COL11A2: variants seen among roughly 807,000 people sequenced by gnomAD.
COL11A2 encodes the protein collagen alpha-2(XI) chain.
COL11A2 carries 116 observed loss-of-function variants against 273.4 expected under a neutral mutation model. That is an observed-to-expected ratio of 0.42 (90% CI 0.36 to 0.49). The LOEUF (loss-of-function observed/expected upper bound fraction) is 0.49, where lower values mean the gene tolerates loss of function less well. COL11A2 is among the 20% of genes least tolerant of loss of function. The pLI is 0.00. For synonymous variants in COL11A2, 782 were observed against 864.2 expected (o/e 0.90, Z 1.67); for missense variants, 1,866 against 2,309.0 (o/e 0.81, Z 3.93).
At position 33,177,304 on chromosome 6, in the gene COL11A2, A is replaced by C; in HGVS notation, c.1972-79T>G. On this transcript the variant is annotated intron_variant, in intron 23 of 65. Transcript: ENST00000341947. This position sits in a 1 kb window ranked among gnomAD's most constrained non-coding sequence, Gnocchi z 5.9. ...GCCTCCCGGATTCAAAGCATGAGCA[A>C]CAAGGGCCTGAAACCCTTAATTTCC... 6.2e-7 allele frequency: 1 copy of C among 1,605,300 alleles called. No individual in the cohort carries two copies. Among genetic ancestry groups the C allele is most frequent in the Non-Finnish European group, 8.5e-7 (1 of 1,173,530 alleles).
Position 33,175,979 on chromosome 6 carries a change from A to G in COL11A2, c.2268+37T>C, listed in dbSNP as rs2071025. The G allele has an allele frequency of 0.26, 424,051 of 1,610,732 alleles. 62,083 individuals are homozygous for G. The highest frequency in any genetic ancestry group is 0.68 in the East Asian group (30,374 of 44,830). ...CGTCTCCAGAGTGGAGGCTCAGTAG[A>G]ACACGGAATTGGGGCCAGTGTGGGG... On this transcript the variant is annotated intron_variant, in intron 29 of 65. Transcript: ENST00000341947.
Position 33,166,118 on chromosome 6 carries a change from C to T in COL11A2, c.4428+53G>A. ...GAGTCTATTTGTCCTGGAGAGACAT[C>T]ATCAAGTCCAGAGGGGGTGGAGCAA... On this transcript the variant is annotated intron_variant, in intron 61 of 65. Transcript: ENST00000341947. The surrounding 1 kb of genome is among the most constrained non-coding windows in gnomAD (Gnocchi z 4.8). The T allele has an allele frequency of 6.2e-7, 1 of 1,605,818 alleles. No individual in the cohort carries two copies. Among genetic ancestry groups the T allele is most frequent in the Non-Finnish European group, 8.5e-7 (1 of 1,176,180 alleles).
At position 33,177,592 on chromosome 6, in the gene COL11A2, C is replaced by T. The variant is rs2076311; in HGVS notation, c.1917+70G>A. 2.5e-6 allele frequency: 4 copies of T among 1,596,604 alleles called. No individual in the cohort carries two copies. Among genetic ancestry groups the T allele is most frequent in the Non-Finnish European group, 3.4e-6 (4 of 1,166,328 alleles). On this transcript the variant is annotated intron_variant, in intron 22 of 65. Coordinates refer to ENST00000341947, the MANE Select transcript of COL11A2 (RefSeq NM_080680.3). The surrounding 1 kb of genome is among the most constrained non-coding windows in gnomAD (Gnocchi z 5.9). The stretch of plus-strand genomic sequence containing the variant: ...AGGAAGCAGGCAGGGGTCAAAATGG[C>T]GGCCAACAGGATGCTGGCAGGGACC...
chr6:33,175,864 G>A (rs1770823408), intron 29 of COL11A2, 152 bp downstream of exon 29: 2 of 1,100,060 alleles, frequency 1.8e-6, no homozygotes, highest in African/African-American at 3.1e-5. Context: ...CAGACCATGG[G>A]GCTATCATCC....
In COL11A2 at chr6:33,178,044, G is replaced by C. The variant is rs956602026; in HGVS notation, c.1872+88C>G. The stretch of plus-strand genomic sequence containing the variant: ...AGGGAATGGGAAGCATGCCGAGAGA[G>C]GAGAGGGAGCAGGAAGGCAGCTAGA... On this transcript the variant is annotated intron_variant, in intron 21 of 65. Coordinates refer to ENST00000341947, the MANE Select transcript of COL11A2 (RefSeq NM_080680.3). The surrounding 1 kb of genome is among the most constrained non-coding windows in gnomAD (Gnocchi z 4.6). 40 of 1,336,992 alleles carry C rather than the reference G, an allele frequency of 3.0e-5. No individual in the cohort carries two copies. The highest frequency in any genetic ancestry group is 4.2e-5 in the Non-Finnish European group (40 of 950,102). 82.8% of individuals were successfully genotyped at this position (1,336,992 alleles called of 1,614,324 possible).
In COL11A2 at chr6:33,190,633, C is replaced by T. The variant is rs1342849557; in HGVS notation, c.83-1164G>A. 6.6e-6 allele frequency among the ~76,000 whole-genome samples: 1 copy of T among 152,062 alleles called. No individual in the cohort carries two copies. The highest frequency in any genetic ancestry group is 2.4e-5 in the African/African-American group (1 of 41,392). ...GGGTGGGTGAGGTGGGGCGGGCAGG[C>T]AGAGAAAAGGCCCTTTGAGTCCAGG... On this transcript the variant is annotated intron_variant, in intron 1 of 65. Coordinates refer to ENST00000341947, the MANE Select transcript of COL11A2 (RefSeq NM_080680.3). This position sits in a 1 kb window ranked among gnomAD's most constrained non-coding sequence, Gnocchi z 4.5.
In COL11A2 at chr6:33,173,657, TC is replaced by T; in HGVS notation, c.2628+43del. 6.5e-7 allele frequency: 1 copy of T among 1,548,330 alleles called. No homozygotes were observed. The highest frequency in any genetic ancestry group is 8.8e-7 in the Non-Finnish European group (1 of 1,135,004). ...GAGGAGGGAGCTGGCTCACCCAGGC[TC>T]CCTGGGGACCTCAGGGGAAGGGGAC... On this transcript the variant is annotated intron_variant, in intron 35 of 65. Transcript: ENST00000341947. The surrounding 1 kb of genome is among the most constrained non-coding windows in gnomAD (Gnocchi z 6.3).
chr6:33,169,280 C>T lies in COL11A2; in HGVS notation c.3798+103G>A, dbSNP rs546995375. On this transcript the variant is annotated intron_variant, in intron 51 of 65. Coordinates refer to ENST00000341947, the MANE Select transcript of COL11A2 (RefSeq NM_080680.3). This position sits in a 1 kb window ranked among gnomAD's most constrained non-coding sequence, Gnocchi z 5.5. Reference sequence around the variant, plus strand: ...ATTCCCAGAGCATCCCCCAAACTCCCGGGCTCCCCACACTCCAAGATCCTC... The same window carrying T: ...ATTCCCAGAGCATCCCCCAAACTCCTGGGCTCCCCACACTCCAAGATCCTC... 33 of 1,119,464 alleles carry T rather than the reference C, an allele frequency of 2.9e-5. No individual in the cohort carries two copies. In the African/African-American group the frequency reaches 3.5e-4, roughly 12 times the overall value. 69.3% of individuals were successfully genotyped at this position (1,119,464 alleles called of 1,614,324 possible).
Position 33,165,574 on chromosome 6 carries a change from C to G in COL11A2, c.4725G>C (p.Lys1575Asn), listed in dbSNP as rs746100166. ...CATCGGGAAGCTCTGGGTGGCACAG[C>G]TTCAGGTCCTGGCAGGTGCGAGCAG... ...DSPARTCQDL[K>N]LCHPELPDGE... Residue 1575 changes from lysine to asparagine, a missense_variant, in exon 63 of 66, where the codon AAG (lysine) becomes AAC (asparagine). By Grantham distance (94) the Lys-to-Asn change is moderately conservative (BLOSUM62 0). Coordinates refer to ENST00000341947, the MANE Select transcript of COL11A2 (RefSeq NM_080680.3). The surrounding 1 kb of genome is among the most constrained non-coding windows in gnomAD (Gnocchi z 7.7). 11 of 1,613,350 alleles carry G rather than the reference C, an allele frequency of 6.8e-6. No homozygotes were observed. Among genetic ancestry groups the G allele is most frequent in the Non-Finnish European group, 8.5e-6 (10 of 1,180,024 alleles).
chr6:33,186,561 A>G (rs1352006798), intron 5 of COL11A2, 66 bp downstream of exon 5: 1 of 1,613,086 alleles, frequency 6.2e-7, no homozygotes, highest in Non-Finnish European at 8.5e-7. Context: ...ACTAAGGAGG[A>G]GAGATGCCTG....
intron 8 of COL11A2, among the ~76,000 whole-genome samples, chr6:33,183,652 T>C (rs1031773227): frequency 1.3e-5 from 2 of 152,082 alleles, no homozygotes; most frequent in African/African-American, 4.8e-5. Flanking sequence ...GTTACCAAGA[T>C]GGATGCCACA....
intron 54 of COL11A2, 38 bp downstream of exon 54, chr6:33,168,481 G>T: frequency 6.2e-7 from 1 of 1,611,010 alleles, no homozygotes; most frequent in Non-Finnish European, 8.5e-7. Flanking sequence ...ACAGCCCAGG[G>T]ACTGCCTCCC....
intron 8 of COL11A2, among the ~76,000 whole-genome samples, 154 bp from the exon 9 acceptor site, chr6:33,181,324 C>G (rs905528893): frequency 6.6e-6 from 1 of 151,940 alleles, no homozygotes; most frequent in South Asian, 2.1e-4. Flanking sequence ...AAAACTCCCT[C>G]TTCACAAACC....
intron 6 of COL11A2, 111 bp from the exon 7 acceptor site, chr6:33,185,165 G>A: frequency 1.3e-6 from 1 of 795,068 alleles, no homozygotes; most frequent in Admixed American, 2.0e-5. Context: ...GTCTGTCTGT[G>A]CTGGGGGATG....
At chr6:33,180,893 G>A (rs1771644091) in intron 10 of COL11A2, 71 bp downstream of exon 10, 2 of 1,591,790 alleles carry the variant, frequency 1.3e-6, no homozygotes, top group Admixed American at 1.7e-5. Flanking sequence ...GCATATGTGG[G>A]GAAGGCTCAG....
rs1424763738 is a variant in COL11A2 at position 33,174,033 on chromosome 6, G to A, written c.2507C>T (p.Pro836Leu). Residue 836 changes from proline to leucine, a missense_variant, in exon 33 of 66, where the codon CCT (proline) becomes CTT (leucine). By Grantham distance (98) the Pro-to-Leu change is moderately conservative. Coordinates refer to ENST00000341947, the MANE Select transcript of COL11A2 (RefSeq NM_080680.3). ...CACCGTGGGGCCCCGTTCTCCCCGA[G>A]GCCCTGACTTCCCCGACAGGCCCTG... is the stretch of plus-strand genomic sequence containing the variant. ...GARGLSGKSG[P>L]RGERGPTGPR... 1.2e-6 allele frequency: 2 copies of A among 1,613,848 alleles called. No individual in the cohort carries two copies. Among genetic ancestry groups the A allele is most frequent in the East Asian group, 2.2e-5 (1 of 44,874 alleles).
rs1462626874 is a variant in COL11A2, at chr6:33,167,112, C to T, written c.4188G>A (p.Gly1396=). The T allele has an allele frequency of 6.2e-7, 1 of 1,614,068 alleles. No individual in the cohort carries two copies. Among genetic ancestry groups the T allele is most frequent in the South Asian group, 1.1e-5 (1 of 91,084 alleles). The part of the protein sequence containing the change: ...AGPPGPVGPP[G]LPGLRGDAGA... ...CAGCATCGCCCCGGAGACCAGGCAG[C>T]CCTGGGGGTCCCTGTGGAGAGATGG... The change falls in exon 58 of 66, where the codon GGG becomes GGA. Residue 1396 remains glycine (G), a synonymous_variant. Coordinates refer to ENST00000341947, the MANE Select transcript of COL11A2 (RefSeq NM_080680.3). The surrounding 1 kb of genome is among the most constrained non-coding windows in gnomAD (Gnocchi z 6.1).
At position 33,167,965 on chromosome 6, in the gene COL11A2, A is replaced by C; in HGVS notation, c.3961-113T>G. ...CACATGCACACACACACGTGCATAC[A>C]CAGGGACACGCGCCGAGGGCCGATT... On this transcript the variant is annotated intron_variant, in intron 54 of 65. Coordinates refer to ENST00000341947, the MANE Select transcript of COL11A2 (RefSeq NM_080680.3). The surrounding 1 kb of genome is among the most constrained non-coding windows in gnomAD (Gnocchi z 6.1). 7.0e-6 allele frequency: 8 copies of C among 1,139,976 alleles called. No individual in the cohort carries two copies. Among genetic ancestry groups the C allele is most frequent in the Non-Finnish European group, 1.0e-5 (8 of 768,506 alleles). 70.6% of individuals were successfully genotyped at this position (1,139,976 alleles called of 1,614,324 possible). A position where few individuals can be genotyped will look rare whatever the true frequency, so the allele number is the denominator to read the frequency against.
In COL11A2 at chr6:33,171,272, T is replaced by C; in HGVS notation, c.3311A>G (p.His1104Arg). The change falls in exon 44 of 66, where the codon CAT becomes CGT. Residue 1104 changes from histidine (H) to arginine (R), a missense_variant and splice_region_variant. Physicochemically the swap from His to Arg is conservative, Grantham distance 29. Coordinates refer to ENST00000341947, the MANE Select transcript of COL11A2 (RefSeq NM_080680.3). ...QKGTKGNKGE[H>R]GPPGPPGPIG... ...GAAGTCAAGGTCATGGACACTTACA[T>C]GTTCACCCTTGTTCCCTTTGGTGCC... 6.2e-7 allele frequency: 1 copy of C among 1,614,214 alleles called. No homozygotes were observed. The highest frequency in any genetic ancestry group is 8.5e-7 in the Non-Finnish European group (1 of 1,180,028).
Sources: allele counts gnomAD v4.1 joint callset (sites outside exome capture counted in the v4.1 genomes callset), GRCh38; gene constraint gnomAD v4.1.1; non-coding constraint Gnocchi (gnomAD v3.1); transcripts MANE v1.5; gene names NCBI Gene and HGNC (gene_info 2026-07-23, HGNC 2026-07-21).